PDE4B: variants seen among roughly 807,000 people sequenced by gnomAD.
PDE4B encodes 3',5'-cyclic-AMP phosphodiesterase 4B.
Under a neutral mutation model 82.2 loss-of-function variants are expected in PDE4B, and 20 were observed. That is an observed-to-expected ratio of 0.24 (90% CI 0.17 to 0.35). The LOEUF (loss-of-function observed/expected upper bound fraction) is 0.35, where lower values mean the gene tolerates loss of function less well. PDE4B is among the 10% of genes least tolerant of loss of function. The pLI is 1.00. For missense variants in PDE4B, 655 were observed against 907.2 expected (o/e 0.72, Z 3.57); for synonymous variants, 320 against 318.9 (o/e 1.00, Z -0.04).
intron 3 of PDE4B, among the ~76,000 whole-genome samples, chr1:65,953,842 A>C (rs950480211): frequency 6.6e-6 from 1 of 152,060 alleles, no homozygotes; most frequent in Non-Finnish European, 1.5e-5. Context: ...TCTTTGAATG[A>C]CTCAATAATA....
intron 3 of PDE4B, among the ~76,000 whole-genome samples, chr1:66,155,737 A>G (rs899815457): frequency 2.0e-5 from 3 of 152,134 alleles, no homozygotes; most frequent in Non-Finnish European, 4.4e-5. Flanking sequence ...CCCTAGTGAT[A>G]TTAATTTCTA....
intron 1 of PDE4B, among the ~76,000 whole-genome samples, chr1:65,890,942 G>C (rs115273594): frequency 6.6e-6 from 1 of 151,988 alleles, no homozygotes; most frequent in Non-Finnish European, 1.5e-5. Context: ...CTGGATTTAT[G>C]TTCCAACCTT....
intron 3 of PDE4B, among the ~76,000 whole-genome samples, chr1:66,009,964 C>A (rs1286888843): frequency 1.2e-4 from 18 of 150,688 alleles, no homozygotes. Flanking sequence ...ATCTATCTAT[C>A]TAATCTTTGG....
chr1:65,904,827 G>A (rs570390234), intron 1 of PDE4B, among the ~76,000 whole-genome samples: 2 of 152,118 alleles, frequency 1.3e-5, no homozygotes, highest in Admixed American at 6.6e-5. Flanking sequence ...GCAAAATGGA[G>A]ATAAAAATAG....
intron 2 of PDE4B, among the ~76,000 whole-genome samples, chr1:65,914,603 TAA>T (rs56913869): frequency 3.3e-4 from 46 of 139,800 alleles, no homozygotes; most frequent in Admixed American, 6.4e-4. Flanking sequence ...CTTTTTTTCT[TAA>T]AAAAAAAAAA....
chr1:66,048,781 T>A (rs1654857065), intron 3 of PDE4B: 1 of 151,906 alleles, frequency 6.6e-6, no homozygotes, highest in African/African-American at 2.4e-5. Flanking sequence ...TCTAAATATT[T>A]TTGTTTGGGA....
intron 3 of PDE4B, among the ~76,000 whole-genome samples, chr1:66,180,943 A>G (rs1220512117): frequency 6.6e-6 from 1 of 152,202 alleles, no homozygotes; most frequent in African/African-American, 2.4e-5. Flanking sequence ...TCCCATTTAG[A>G]GTGTCTCTGA....
intron 3 of PDE4B, among the ~76,000 whole-genome samples, chr1:66,108,810 A>G (rs1645425778): frequency 6.6e-6 from 1 of 152,008 alleles, no homozygotes; most frequent in Non-Finnish European, 1.5e-5. Flanking sequence ...GTTTCTGCTT[A>G]CAAAGCTGTT....
chr1:65,936,524 G>A (rs1648148135), intron 3 of PDE4B, among the ~76,000 whole-genome samples: 1 of 152,156 alleles, frequency 6.6e-6, no homozygotes, highest in Admixed American at 6.5e-5. Context: ...GAAAGAAATA[G>A]GAGAACCTCA....
intron 3 of PDE4B, among the ~76,000 whole-genome samples, chr1:66,035,542 A>T (rs988015508): frequency 6.6e-6 from 1 of 152,034 alleles, no homozygotes; most frequent in Non-Finnish European, 1.5e-5. Context: ...TATGAGTTTA[A>T]CTTTTTTAGT....
At chr1:65,868,752 A>G (rs757743285) in intron 1 of PDE4B, among the ~76,000 whole-genome samples, 1 of 152,160 alleles carries the variant, frequency 6.6e-6, no homozygotes, top group Non-Finnish European at 1.5e-5. Context: ...AGCGAGCATT[A>G]CCGCCTGAAC....
chr1:66,098,326 G>C (rs1645156347), intron 3 of PDE4B, among the ~76,000 whole-genome samples: 1 of 152,090 alleles, frequency 6.6e-6, no homozygotes, highest in East Asian at 1.9e-4. Context: ...GCCAGTCTCT[G>C]TCTGGGTTCC....
At chr1:66,320,074 T>C (rs1659292969) in intron 7 of PDE4B, among the ~76,000 whole-genome samples, 2 of 152,168 alleles carry the variant, frequency 1.3e-5, no homozygotes, top group South Asian at 4.1e-4. Flanking sequence ...TATTTCTAAT[T>C]TGGTATATTT....
At chr1:66,044,158 A>G (rs549667843) in intron 3 of PDE4B, among the ~76,000 whole-genome samples, 2 of 151,680 alleles carry the variant, frequency 1.3e-5, no homozygotes, top group South Asian at 2.1e-4. Flanking sequence ...ATGTGTTTCT[A>G]AAGGACTGAA....
At chr1:66,345,371 A>T (rs887808991) in intron 8 of PDE4B, among the ~76,000 whole-genome samples, 5 of 152,218 alleles carry the variant, frequency 3.3e-5, no homozygotes, top group Non-Finnish European at 5.9e-5. Flanking sequence ...TTCAGACCTC[A>T]GTTTAGATAT....
chr1:65,806,240 C>G (rs2101180234), intron 1 of PDE4B, among the ~76,000 whole-genome samples: 1 of 152,092 alleles, frequency 6.6e-6, no homozygotes, highest in African/African-American at 2.4e-5. Context: ...ATTTGGTTTT[C>G]TTGGTTCTGT....
intron 3 of PDE4B, among the ~76,000 whole-genome samples, chr1:65,955,582 C>T (rs774488441): frequency 9.2e-5 from 14 of 152,128 alleles, no homozygotes; most frequent in Non-Finnish European, 1.0e-4. Flanking sequence ...ATTTGGGATT[C>T]GAGCCCATGT....
intron 3 of PDE4B, among the ~76,000 whole-genome samples, chr1:66,102,374 C>T (rs112337171): frequency 0.029 from 4,359 of 151,992 alleles, 232 homozygotes; most frequent in African/African-American, 0.099. Flanking sequence ...GTAACTAGTA[C>T]CAGACAGACT....
At chr1:66,112,885 A>T (rs11806009) in intron 3 of PDE4B, 1 of 152,278 alleles carries the variant, frequency 6.6e-6, no homozygotes, top group African/African-American at 2.4e-5. Flanking sequence ...CCACAAAAGT[A>T]AATACAGAAC....
Sources: allele counts gnomAD v4.1 joint callset (sites outside exome capture counted in the v4.1 genomes callset), GRCh38; gene constraint gnomAD v4.1.1; transcripts MANE v1.5; gene names NCBI Gene and HGNC (gene_info 2026-07-23, HGNC 2026-07-21).